CTDSPL2: variants seen among roughly 807,000 people sequenced by gnomAD.
The protein encoded by CTDSPL2 is CTD small phosphatase-like protein 2.
In CTDSPL2, 5 loss-of-function variants were observed where a neutral mutation model predicts 60.0. The ratio of observed to expected loss-of-function variants is 0.08; its 90% CI spans 0.04 to 0.18. The LOEUF (loss-of-function observed/expected upper bound fraction) is 0.18. Ranked by LOEUF, CTDSPL2 falls within the 10% of genes least tolerant of loss-of-function variation. CTDSPL2 has a pLI of 1.00. For synonymous variants in CTDSPL2, 186 were observed against 189.3 expected (o/e 0.98, Z 0.14); for missense variants, 370 against 548.8 (o/e 0.67, Z 3.26).
At chr15:44,463,787 C>T (rs142283018) in intron 2 of CTDSPL2, among the ~76,000 whole-genome samples, 156 of 152,202 alleles carry the variant, frequency 1.0e-3, no homozygotes, top group African/African-American at 3.3e-3. Context: ...TGCTTGCTTA[C>T]GTATGTATCT....
intron 1 of CTDSPL2, among the ~76,000 whole-genome samples, chr15:44,432,563 G>A (rs964147009): frequency 7.0e-6 from 1 of 143,834 alleles, no homozygotes; most frequent in Non-Finnish European, 1.5e-5. Flanking sequence ...CTTGTGATCC[G>A]CCCACTTTGG....
At chr15:44,461,739 AAAAG>A (rs1176985036) in intron 2 of CTDSPL2, among the ~76,000 whole-genome samples, 1 of 152,122 alleles carries the variant, frequency 6.6e-6, no homozygotes, top group Non-Finnish European at 1.5e-5. Flanking sequence ...AAGCTAGAAA[AAAAG>A]AAAATGTTAT....
intron 5 of CTDSPL2, among the ~76,000 whole-genome samples, chr15:44,492,529 T>C (rs1002021434): frequency 5.3e-5 from 8 of 152,170 alleles, no homozygotes; most frequent in African/African-American, 1.9e-4. Context: ...ATCATAAGTC[T>C]AGGAGCATCT....
At position 44,486,695 on chromosome 15, in the gene CTDSPL2, A is replaced by G. The variant is rs771622932; in HGVS notation, c.470A>G (p.Lys157Arg). 7.1e-5 allele frequency: 112 copies of G among 1,584,408 alleles called. No homozygotes were observed. The highest frequency in any genetic ancestry group is 9.6e-5 in the Non-Finnish European group (112 of 1,169,220). Residue 157 changes from lysine (K) to arginine (R), a missense_variant, in exon 4 of 13, where the codon AAA (lysine) becomes AGA (arginine). Around this residue, in one of 6 missense-constraint regions of CTDSPL2, gnomAD observed 287 missense variants for 296.1 expected, o/e 0.97. Coordinates refer to ENST00000260327, the MANE Select transcript of CTDSPL2 (RefSeq NM_016396.3). ...TTCAACTTTTTTTCACCAGCAAATAAAAATGGTAAGTATAAACTGTTAACT... is the reference window on the plus strand; with the variant it reads ...TTCAACTTTTTTTCACCAGCAAATAGAAATGGTAAGTATAAACTGTTAACT... ...PVFNFFSPANKNGTSGSDSPG... is the reference protein window; with the variant it reads ...PVFNFFSPANRNGTSGSDSPG...
chr15:44,498,831 G>A (rs1595761730), intron 7 of CTDSPL2, among the ~76,000 whole-genome samples: 1 of 152,044 alleles, frequency 6.6e-6, no homozygotes, highest in East Asian at 1.9e-4. Flanking sequence ...CCCGGGAAGT[G>A]GAGGTTGCAG....
At chr15:44,468,632 G>T (rs1016754738) in intron 2 of CTDSPL2, among the ~76,000 whole-genome samples, 6 of 152,068 alleles carry the variant, frequency 3.9e-5, no homozygotes, top group Non-Finnish European at 1.5e-5. Context: ...TTTAGGCTTT[G>T]TGGACAATAT....
intron 2 of CTDSPL2, among the ~76,000 whole-genome samples, chr15:44,469,255 A>ACACCTG (rs2080757489): frequency 6.6e-6 from 1 of 152,182 alleles, no homozygotes; most frequent in Admixed American, 6.5e-5. Context: ...TTTGAATTTC[A>ACACCTG]TATAGTTTTC....
intron 4 of CTDSPL2, among the ~76,000 whole-genome samples, chr15:44,487,150 T>C (rs752705792): frequency 1.1e-4 from 16 of 152,168 alleles, no homozygotes; most frequent in Non-Finnish European, 2.2e-4. Context: ...TCCACCTCAT[T>C]AATAATATAC....
At chr15:44,519,421 C>A in intron 11 of CTDSPL2, 126 bp downstream of exon 11, 1 of 845,458 alleles carries the variant, frequency 1.2e-6, no homozygotes, top group Non-Finnish European at 1.8e-6. Flanking sequence ...TTTAATGTGT[C>A]ATTTTTTTAG....
At chr15:44,457,518 T>C (rs1035109466) in intron 1 of CTDSPL2, among the ~76,000 whole-genome samples, 2 of 150,844 alleles carry the variant, frequency 1.3e-5, no homozygotes, top group African/African-American at 4.9e-5. Flanking sequence ...ATATCCAGAC[T>C]ACCAAAACTC....
intron 2 of CTDSPL2, among the ~76,000 whole-genome samples, chr15:44,469,612 AT>A (rs1480626310): frequency 1.3e-5 from 2 of 151,962 alleles, no homozygotes; most frequent in Non-Finnish European, 2.9e-5. Flanking sequence ...TTTCTTTGGT[AT>A]TTTTTGGTAC....
intron 2 of CTDSPL2, among the ~76,000 whole-genome samples, chr15:44,471,403 T>C (rs948975584): frequency 6.6e-6 from 1 of 152,192 alleles, no homozygotes; most frequent in African/African-American, 2.4e-5. Context: ...TTTTTTGAAG[T>C]GTAGAAGCTT....
chr15:44,450,918 A>G (rs2080322965), intron 1 of CTDSPL2, among the ~76,000 whole-genome samples: 1 of 152,062 alleles, frequency 6.6e-6, no homozygotes, highest in African/African-American at 2.4e-5. Context: ...AATTTTTAAA[A>G]CAACATTGGT....
intron 1 of CTDSPL2, among the ~76,000 whole-genome samples, chr15:44,435,234 G>A (rs1360820534): frequency 6.8e-6 from 1 of 147,312 alleles, no homozygotes; most frequent in African/African-American, 2.5e-5. Context: ...CCTAGCCTGG[G>A]CGACAGAGTG....
intron 1 of CTDSPL2, among the ~76,000 whole-genome samples, chr15:44,447,059 T>G (rs1030674978): frequency 6.6e-6 from 1 of 152,200 alleles, no homozygotes; most frequent in African/African-American, 2.4e-5. Context: ...AATATATTAT[T>G]TTCACATTGC....
chr15:44,497,166 A>G, intron 7 of CTDSPL2, 28 bp downstream of exon 7: 2 of 1,216,768 alleles, frequency 1.6e-6, no homozygotes, highest in Non-Finnish European at 2.4e-6. Context: ...AGAGGTAGAG[A>G]GAATAAAGGG....
intron 8 of CTDSPL2, among the ~76,000 whole-genome samples, chr15:44,502,344 T>C (rs1479584823): frequency 1.3e-5 from 2 of 152,138 alleles, no homozygotes; most frequent in Non-Finnish European, 2.9e-5. Flanking sequence ...ACGTTTTTTT[T>C]CTTTCTGTGG....
At chr15:44,495,714 A>G (rs1026744565) in intron 5 of CTDSPL2, among the ~76,000 whole-genome samples, 1 of 151,866 alleles carries the variant, frequency 6.6e-6, no homozygotes, top group Non-Finnish European at 1.5e-5. Flanking sequence ...TGCACGGATC[A>G]CCTGGGGTTG....
At chr15:44,450,740 C>T (rs1338386077) in intron 1 of CTDSPL2, among the ~76,000 whole-genome samples, 1 of 151,360 alleles carries the variant, frequency 6.6e-6, no homozygotes, top group Non-Finnish European at 1.5e-5. Flanking sequence ...AGATTACAGG[C>T]GCCTGCCACC....
Sources: gnomAD v4.1 joint callset for allele counts (sites outside exome capture counted in the v4.1 genomes callset) on GRCh38, gnomAD v4.1.1 for gene constraint, gnomAD v4.1.1 regional missense constraint, MANE v1.5 for transcripts, NCBI Gene and HGNC (gene_info 2026-07-23, HGNC 2026-07-21) for gene names.